The following LRTM3 variants were observed in gnomAD, a reference collection of about 807,000 sequenced individuals.
The protein encoded by LRTM3 is leucine rich repeat transmembrane protein 3.
the LRTM3 span, chr13:102,748,901 A>T: frequency 1.3e-6 from 2 of 1,550,062 alleles, no homozygotes; most frequent in South Asian, 1.2e-5. Flanking sequence ...AATATCTGAG[A>T]TTCCTGTCTC....
chr13:102,735,413 A>G, the LRTM3 span: 4 of 1,551,312 alleles, frequency 2.6e-6, no homozygotes, highest in South Asian at 2.4e-5. Context: ...TGCAATTCTT[A>G]TCACGTTCTC....
At chr13:102,748,212 TTA>T in the LRTM3 span, 3 of 1,551,234 alleles carry the variant, frequency 1.9e-6, no homozygotes, top group Non-Finnish European at 2.6e-6. Context: ...TGCATATTTG[TTA>T]TGTTACTTCC....
the LRTM3 span, chr13:102,731,171 G>T: frequency 1.3e-6 from 2 of 1,551,370 alleles, no homozygotes; most frequent in Non-Finnish European, 1.7e-6. Flanking sequence ...CTTTGTGATT[G>T]TCTCCTCACT....
the LRTM3 span, chr13:102,743,083 T>C: frequency 6.5e-7 from 1 of 1,550,350 alleles, no homozygotes; most frequent in African/African-American, 1.4e-5. Context: ...GACGATCCTT[T>C]CTAAGATATG....
the LRTM3 span, chr13:102,741,893 C>T: frequency 2.6e-6 from 4 of 1,550,278 alleles, no homozygotes; most frequent in South Asian, 4.8e-5. Context: ...CCTTAACGGT[C>T]CAATATAGTA....
At chr13:102,736,124 G>T in the LRTM3 span, 1 of 1,541,220 alleles carries the variant, frequency 6.5e-7, no homozygotes, top group African/African-American at 1.4e-5. Flanking sequence ...ATTTGAATTT[G>T]CAAGTCTGCT....
the LRTM3 span, chr13:102,747,498 A>G: frequency 7.9e-4 from 1,218 of 1,550,532 alleles, 8 homozygotes; most frequent in African/African-American, 0.014. Flanking sequence ...CTTTTAAAAT[A>G]TGGTAAAGTA....
chr13:102,750,005 A>C, the LRTM3 span: 1 of 1,550,230 alleles, frequency 6.5e-7, no homozygotes, highest in Non-Finnish European at 8.7e-7. Context: ...GCAAGGTGCC[A>C]CATCTAGATC....
the LRTM3 span, chr13:102,730,736 T>C: frequency 1.3e-6 from 2 of 1,551,688 alleles, no homozygotes; most frequent in Non-Finnish European, 1.7e-6. Flanking sequence ...ATTTACGTTT[T>C]TACACACTGC....
chr13:102,751,506 G>T, the LRTM3 span, among the ~76,000 whole-genome samples: 1 of 151,924 alleles, frequency 6.6e-6, no homozygotes, highest in Non-Finnish European at 1.5e-5. Flanking sequence ...TGAAGGTGGG[G>T]TCAAAAAATC....
chr13:102,729,714 C>T, the LRTM3 span: 1 of 1,552,010 alleles, frequency 6.4e-7, no homozygotes, highest in East Asian at 2.4e-5. Flanking sequence ...GGTTTTGATG[C>T]TGATTTATGT....
chr13:102,749,035 A>C, the LRTM3 span: 1 of 1,550,760 alleles, frequency 6.4e-7, no homozygotes, highest in Non-Finnish European at 8.7e-7. Flanking sequence ...AATAATTTTT[A>C]ACATAAGGCA....
the LRTM3 span, chr13:102,742,135 G>C: frequency 6.4e-7 from 1 of 1,550,394 alleles, no homozygotes; most frequent in African/African-American, 1.4e-5. Flanking sequence ...AGTATCCAGA[G>C]TCATAAACAG....
the LRTM3 span, chr13:102,745,630 C>A: frequency 3.8e-4 from 589 of 1,550,954 alleles, 8 homozygotes; most frequent in South Asian, 6.6e-3. Context: ...AGTTTCTCGT[C>A]GTTTTAGGTG....
the LRTM3 span, chr13:102,746,109 G>A: frequency 7.1e-6 from 11 of 1,550,934 alleles, no homozygotes; most frequent in Non-Finnish European, 9.6e-6. Context: ...GGACCCATTT[G>A]GAGACTAGTC....
At chr13:102,738,221 T>G in the LRTM3 span, 2 of 1,550,824 alleles carry the variant, frequency 1.3e-6, no homozygotes, top group Non-Finnish European at 1.7e-6. Context: ...TATTTTTACT[T>G]CATCGTCTTC....
At chr13:102,749,841 A>G in the LRTM3 span, 1 of 1,551,282 alleles carries the variant, frequency 6.4e-7, no homozygotes, top group African/African-American at 1.4e-5. Context: ...ATTCCAACAG[A>G]AGGTTGATTC....
At chr13:102,755,649 G>A in the LRTM3 span, among the ~76,000 whole-genome samples, 2 of 151,852 alleles carry the variant, frequency 1.3e-5, no homozygotes, top group Non-Finnish European at 2.9e-5. Context: ...AGGCCTTTTC[G>A]GGGATGGGGG....
At chr13:102,739,731 G>T in the LRTM3 span, 1 of 1,549,312 alleles carries the variant, frequency 6.5e-7, no homozygotes, top group South Asian at 1.2e-5. Flanking sequence ...GATATGTGTT[G>T]TTTTGTACTT....
Sources: gnomAD v4.1 joint callset for allele counts (sites outside exome capture counted in the v4.1 genomes callset) on GRCh38, gnomAD v4.1.1 for gene constraint, MANE v1.5 for transcripts, NCBI Gene and HGNC (gene_info 2026-07-23, HGNC 2026-07-21) for gene names.